HABP2: variants seen among roughly 807,000 people sequenced by gnomAD.
HABP2 encodes the protein factor VII-activating protease.
Under a neutral mutation model 66.5 loss-of-function variants are expected in HABP2, and 65 were observed. That is an observed-to-expected ratio of 0.98 (90% CI 0.80 to 1.20). HABP2 has a LOEUF of 1.20. HABP2 is among the 50% of genes most tolerant of loss of function. The probability of loss-of-function intolerance (pLI) is 0.00; values close to 1 mark genes in which losing one functional copy is unlikely to be tolerated. For synonymous variants in HABP2, 263 were observed against 253.9 expected (o/e 1.04, Z -0.34); for missense variants, 786 against 691.0 (o/e 1.14, Z -1.54).
rs760083477 is a variant in HABP2, at chr10:113,584,149, A to G, written c.1239A>G (p.Ala413=). 7 of 1,613,806 alleles carry G rather than the reference A, an allele frequency of 4.3e-6. No homozygotes were observed. The highest frequency in any genetic ancestry group is 5.1e-6 in the Non-Finnish European group (6 of 1,179,724). The change falls in exon 11 of 13, where the codon GCA becomes GCG. Residue 413 remains alanine (A), a splice_region_variant and synonymous_variant. Transcript: ENST00000351270. ...ERDEIPHNDI[A]LLKLKPVDGH... is the part of the protein sequence containing the mutation. ...TTTTCTACCTCTCTCTCCACCTAGC[A>G]TTGCTCAAGTTAAAGCCAGTGGATG...
intron 1 of HABP2, among the ~76,000 whole-genome samples, chr10:113,564,363 C>A (rs1845158027): frequency 6.6e-6 from 1 of 152,094 alleles, no homozygotes; most frequent in South Asian, 2.1e-4. Context: ...CCCCTCATGG[C>A]ACCTCTCTGG....
intron 10 of HABP2, 32 bp from the exon 11 acceptor site, chr10:113,584,116 C>A (rs780547717): frequency 2.5e-6 from 4 of 1,597,038 alleles, no homozygotes; most frequent in Admixed American, 1.7e-5. Context: ...GAGGTGACAT[C>A]GCATCCATTT....
intron 5 of HABP2, among the ~76,000 whole-genome samples, chr10:113,577,695 T>C (rs1845437253): frequency 6.6e-6 from 1 of 152,184 alleles, no homozygotes; most frequent in African/African-American, 2.4e-5. Context: ...CATGGCCACA[T>C]GGGTATCAGC....
chr10:113,573,921 C>T (rs915357365), intron 2 of HABP2, among the ~76,000 whole-genome samples: 13 of 152,166 alleles, frequency 8.5e-5, no homozygotes, highest in Admixed American at 3.3e-4. Context: ...ACCCTGTAGA[C>T]GTGCTAGGTC....
intron 2 of HABP2, among the ~76,000 whole-genome samples, chr10:113,572,038 T>A (rs1845323843): frequency 6.6e-6 from 1 of 152,232 alleles, no homozygotes; most frequent in Non-Finnish European, 1.5e-5. Context: ...CCATCCCAAA[T>A]GGAAAGGATC....
Position 113,588,475 on chromosome 10 carries a change from T to A in HABP2, c.*106T>A. ...CCAGAGCCTCCAGGGGACCACACAGTAGACTATCCCTACTCTAAGCAGAGA... is the reference window on the plus strand; with the variant it reads ...CCAGAGCCTCCAGGGGACCACACAGAAGACTATCCCTACTCTAAGCAGAGA... On this transcript the variant is annotated 3_prime_UTR_variant, in exon 13 of 13. Coordinates refer to ENST00000351270, the MANE Select transcript of HABP2 (RefSeq NM_004132.5). 1.3e-6 allele frequency: 1 copy of A among 779,386 alleles called. No individual in the cohort carries two copies. The highest frequency in any genetic ancestry group is 2.0e-6 in the Non-Finnish European group (1 of 494,128). The allele number at this position is 779,386 out of a possible 1,614,324, so 48.3% of individuals were successfully genotyped here.
At chr10:113,564,580 C>T (rs1264743732) in intron 1 of HABP2, among the ~76,000 whole-genome samples, 1 of 152,192 alleles carries the variant, frequency 6.6e-6, no homozygotes, top group Non-Finnish European at 1.5e-5. Flanking sequence ...GACAGAGGCA[C>T]AGTCCCCGAT....
At chr10:113,588,163 C>G in intron 12 of HABP2, 42 bp from the exon 13 acceptor site, 1 of 1,527,356 alleles carries the variant, frequency 6.5e-7, no homozygotes, top group East Asian at 2.3e-5. Flanking sequence ...CTCCAGATGT[C>G]TCTGGTTCAC....
chr10:113,578,153 T>G lies in HABP2; in HGVS notation c.568+8T>G. 3 of 1,613,948 alleles carry G rather than the reference T, an allele frequency of 1.9e-6. No homozygotes were observed. The highest frequency in any genetic ancestry group is 2.5e-6 in the Non-Finnish European group (3 of 1,179,894). ...GGAAATTCTGTGAAATAGGTATGGG[T>G]CTCTGCCACCATCAGGGCCACAAGT... On this transcript the variant is annotated splice_region_variant and intron_variant, in intron 6 of 12. Transcript: ENST00000351270.
upstream of HABP2, chr10:113,552,987 T>C: frequency 1.5e-6 from 1 of 674,034 alleles, no homozygotes; most frequent in Non-Finnish European, 2.7e-6. Context: ...TAAACAGTAT[T>C]TGATGCCTAG....
At chr10:113,557,393 C>T (rs1205673188) in intron 1 of HABP2, among the ~76,000 whole-genome samples, 1 of 152,130 alleles carries the variant, frequency 6.6e-6, no homozygotes, top group African/African-American at 2.4e-5. Context: ...CAGGAAATCA[C>T]ATGTGTATAC....
chr10:113,574,396 G>A lies in HABP2; in HGVS notation c.214G>A (p.Asp72Asn). 6.7e-7 allele frequency: 1 copy of A among 1,500,036 alleles called. No homozygotes were observed. Among genetic ancestry groups the A allele is most frequent in the Non-Finnish European group, 9.3e-7 (1 of 1,075,048 alleles). 92.9% of individuals were successfully genotyped at this position (1,500,036 alleles called of 1,614,324 possible). A position where few individuals can be genotyped will look rare whatever the true frequency, so the allele number is the denominator to read the frequency against. ...GAATCCTGACTGGTACTACACTGAG[G>A]ACCAAGCTGGTAGGTACCAAATCTC... The part of the protein sequence containing the change: ...AENPDWYYTE[D>N]QADPCQPNPC... The change falls in exon 3 of 13, where the codon GAC (aspartate) becomes AAC (asparagine). Residue 72 changes from aspartate to asparagine, a missense_variant. Physicochemically the swap from Asp to Asn is conservative, Grantham distance 23. Transcript: ENST00000351270.
intron 1 of HABP2, among the ~76,000 whole-genome samples, chr10:113,559,866 G>A (rs1018861195): frequency 9.2e-5 from 14 of 152,250 alleles, no homozygotes; most frequent in African/African-American, 3.4e-4. Flanking sequence ...GAGCAGGGAA[G>A]CTGCACAGAA....
At chr10:113,577,562 C>A (rs1431069512) in intron 5 of HABP2, among the ~76,000 whole-genome samples, 1 of 152,198 alleles carries the variant, frequency 6.6e-6, no homozygotes, top group East Asian at 1.9e-4. Context: ...CATATCGAGT[C>A]CCTGCTGTGA....
intron 1 of HABP2, among the ~76,000 whole-genome samples, chr10:113,564,805 G>A (rs1449088915): frequency 6.6e-6 from 1 of 151,674 alleles, no homozygotes; most frequent in African/African-American, 2.4e-5. Context: ...TGAATCATTT[G>A]CAAGTAAATT....
intron 8 of HABP2, 111 bp from the exon 9 acceptor site, chr10:113,581,765 G>A (rs1845538150): frequency 9.3e-7 from 1 of 1,076,626 alleles, no homozygotes; most frequent in African/African-American, 1.6e-5. Context: ...CAGTCTCTCA[G>A]CTCTGGACCC....
intron 1 of HABP2, among the ~76,000 whole-genome samples, chr10:113,561,975 T>G (rs1592683976): frequency 6.6e-6 from 1 of 152,142 alleles, no homozygotes; most frequent in African/African-American, 2.4e-5. Flanking sequence ...CTAACCAACC[T>G]TAACCTGGGA....
intron 7 of HABP2, among the ~76,000 whole-genome samples, chr10:113,579,721 A>G (rs929353834): frequency 6.6e-6 from 1 of 151,130 alleles, no homozygotes; most frequent in African/African-American, 2.4e-5. Context: ...GGGTCTTTGT[A>G]TGGCTTTGAA....
chr10:113,576,625 C>CA (rs1333288459), intron 4 of HABP2, among the ~76,000 whole-genome samples: 1 of 152,184 alleles, frequency 6.6e-6, no homozygotes, highest in African/African-American at 2.4e-5. Context: ...GCTGCTCTAG[C>CA]AACCATCTTA....
Sources: allele counts gnomAD v4.1 joint callset (sites outside exome capture counted in the v4.1 genomes callset), GRCh38; gene constraint gnomAD v4.1.1; transcripts MANE v1.5; gene names NCBI Gene and HGNC (gene_info 2026-07-23, HGNC 2026-07-21).